Variants in SLC5A1 observed in about 807,000 individuals in gnomAD.
SLC5A1 encodes the protein sodium/glucose cotransporter 1.
In SLC5A1, 42 loss-of-function variants were observed where a neutral mutation model predicts 73.5. That is an observed-to-expected ratio of 0.57 (90% CI 0.45 to 0.74). The LOEUF is 0.74. Ranked by LOEUF, SLC5A1 falls within the 30% of genes least tolerant of loss-of-function variation. SLC5A1 has a pLI of 0.00. For synonymous variants in SLC5A1, 300 were observed against 317.4 expected (o/e 0.95, Z 0.58); for missense variants, 634 against 855.4 (o/e 0.74, Z 3.23).
At position 32,043,386 on chromosome 22, in the gene SLC5A1, C is replaced by T; in HGVS notation, c.105C>T (p.Tyr35=). 6.2e-7 allele frequency: 1 copy of T among 1,614,108 alleles called. No individual in the cohort carries two copies. The highest frequency in any genetic ancestry group is 2.2e-5 in the East Asian group (1 of 44,876). The stretch of plus-strand genomic sequence containing the variant: ...CCGATATCTCCATCATCGTTATCTA[C>T]TTCGTGGTAGTGATGGCCGTCGGAC... The part of the protein sequence containing the change: ...NAADISIIVI[Y]FVVVMAVGLW... Residue 35 remains tyrosine (Y), a synonymous_variant, in exon 1 of 15, where the codon TAC becomes TAT. Coordinates refer to ENST00000266088, the MANE Select transcript of SLC5A1 (RefSeq NM_000343.4). This position sits in a 1 kb window ranked among gnomAD's most constrained non-coding sequence, Gnocchi z 6.5.
intron 5 of SLC5A1, 53 bp from the exon 6 acceptor site, chr22:32,081,813 C>A: frequency 9.0e-7 from 1 of 1,111,774 alleles, no homozygotes; most frequent in South Asian, 1.2e-5. Context: ...ACTACAGGCC[C>A]TGTAGGCAGC....
At chr22:32,068,462 T>C (rs1378243476) in intron 4 of SLC5A1, 34 bp from the exon 5 acceptor site, 2 of 1,308,722 alleles carry the variant, frequency 1.5e-6, no homozygotes, top group South Asian at 1.2e-5. Flanking sequence ...CTGGTCACTG[T>C]GGCTGGCAGT....
chr22:32,111,876 G>A lies in SLC5A1; in HGVS notation c.*1663G>A, dbSNP rs1355852222. On this transcript the variant is annotated 3_prime_UTR_variant, in exon 15 of 15. Transcript: ENST00000266088. The stretch of plus-strand genomic sequence containing the variant: ...GACCAGGTTCCCTTGTGCTCAGGGT[G>A]AAGTAGAACCAGAAAACATCGTTAT... 6.6e-6 allele frequency: 1 copy of A among 152,180 alleles called. No individual in the cohort carries two copies. The highest frequency in any genetic ancestry group is 1.5e-5 in the Non-Finnish European group (1 of 68,024). The allele number at this position is 152,180 out of a possible 1,614,324, so 9.4% of individuals were successfully genotyped here.
intron 11 of SLC5A1, among the ~76,000 whole-genome samples, chr22:32,097,908 A>G (rs868166414): frequency 7.2e-5 from 11 of 152,380 alleles, no homozygotes; most frequent in Middle Eastern, 3.4e-3. Flanking sequence ...CAGCTCAATA[A>G]TAAAACAACC....
At chr22:32,088,370 C>G (rs1206442895) in intron 10 of SLC5A1, among the ~76,000 whole-genome samples, 2 of 140,692 alleles carry the variant, frequency 1.4e-5, no homozygotes, top group African/African-American at 5.2e-5. Flanking sequence ...GAGTCTTGCT[C>G]TTATCACCCA....
Position 32,056,532 on chromosome 22 carries a change from C to G in SLC5A1, c.207+6518C>G, listed in dbSNP as rs193109645. ...TATAATGAATATATTATCTGTGAAT[C>G]TGCATATTCAAGATAGGCAGACTTA... is the stretch of plus-strand genomic sequence containing the variant. On this transcript the variant is annotated intron_variant, in intron 2 of 14. Transcript: ENST00000266088. Among the ~76,000 whole-genome samples the G allele has an allele frequency of 2.5e-4, 35 of 138,928 alleles. No homozygotes were observed. In the East Asian group the frequency reaches 5.7e-3, roughly 23 times the overall value. 91.1% of individuals were successfully genotyped at this position (138,928 alleles called of 152,430 possible).
At chr22:32,058,608 G>A (rs550874483) in intron 2 of SLC5A1, among the ~76,000 whole-genome samples, 7 of 152,240 alleles carry the variant, frequency 4.6e-5, no homozygotes, top group African/African-American at 1.7e-4. Context: ...TGTACCAACC[G>A]ACAACTTTCC....
At chr22:32,045,831 A>AT (rs1260158213) in intron 1 of SLC5A1, among the ~76,000 whole-genome samples, 1 of 152,158 alleles carries the variant, frequency 6.6e-6, no homozygotes, top group Non-Finnish European at 1.5e-5. Context: ...CTATCCTGAA[A>AT]TCCCCTCAAG....
chr22:32,070,711 A>G (rs2093981672), intron 5 of SLC5A1, among the ~76,000 whole-genome samples: 1 of 152,192 alleles, frequency 6.6e-6, no homozygotes, highest in African/African-American at 2.4e-5. Context: ...AACAAAACAA[A>G]GCAACAATAA....
In SLC5A1 at chr22:32,110,856, G is replaced by C. The variant is rs1470841308; in HGVS notation, c.*643G>C. On this transcript the variant is annotated 3_prime_UTR_variant, in exon 15 of 15. Coordinates refer to ENST00000266088, the MANE Select transcript of SLC5A1 (RefSeq NM_000343.4). ...GGGCCCCAGCCTCAAGCTAGTGGGG[G>C]AGGCAGATAGCCTGAATCCAGGGGA... is the stretch of plus-strand genomic sequence containing the variant. 2.6e-5 allele frequency: 4 copies of C among 155,196 alleles called. No homozygotes were observed. The highest frequency in any genetic ancestry group is 5.7e-5 in the Non-Finnish European group (4 of 69,786). 9.6% of individuals were successfully genotyped at this position (155,196 alleles called of 1,614,324 possible).
intron 14 of SLC5A1, among the ~76,000 whole-genome samples, chr22:32,106,125 T>C (rs560381637): frequency 8.5e-5 from 13 of 152,350 alleles, no homozygotes; most frequent in African/African-American, 3.1e-4. Flanking sequence ...CTGAATTATA[T>C]GGTAGCTGTC....
At chr22:32,094,598 T>A (rs541851115) in intron 11 of SLC5A1, among the ~76,000 whole-genome samples, 1 of 152,304 alleles carries the variant, frequency 6.6e-6, no homozygotes, top group East Asian at 1.9e-4. Context: ...AATTTATCCA[T>A]CTCCTCTAGG....
intron 11 of SLC5A1, among the ~76,000 whole-genome samples, chr22:32,094,321 C>T (rs2094022896): frequency 6.6e-6 from 1 of 151,930 alleles, no homozygotes; most frequent in African/African-American, 2.4e-5. Context: ...TATGTCCTTT[C>T]CTGGTTTTGG....
intron 6 of SLC5A1, among the ~76,000 whole-genome samples, chr22:32,082,718 A>G (rs1170014303): frequency 1.3e-5 from 2 of 152,196 alleles, no homozygotes; most frequent in Non-Finnish European, 2.9e-5. Flanking sequence ...ATGTCCCACC[A>G]TCTCCACAGC....
intron 2 of SLC5A1, among the ~76,000 whole-genome samples, chr22:32,052,081 G>A (rs1037349329): frequency 6.6e-6 from 1 of 152,232 alleles, no homozygotes. Flanking sequence ...GGTAAGTAGA[G>A]TGAAGATGAT....
At position 32,112,747 on chromosome 22, in the gene SLC5A1, G is replaced by A. The variant is rs2094059548; in HGVS notation, c.*2534G>A. 6.6e-6 allele frequency: 1 copy of A among 152,128 alleles called. No homozygotes were observed. The highest frequency in any genetic ancestry group is 1.5e-5 in the Non-Finnish European group (1 of 68,030). 9.4% of individuals were successfully genotyped at this position (152,128 alleles called of 1,614,324 possible). On this transcript the variant is annotated 3_prime_UTR_variant, in exon 15 of 15. Coordinates refer to ENST00000266088, the MANE Select transcript of SLC5A1 (RefSeq NM_000343.4). ...AAGGGCTGGGGGAGGGAGGGACTGG[G>A]GAGATGTTGGTCAAATGATACAAAG...
intron 2 of SLC5A1, among the ~76,000 whole-genome samples, chr22:32,057,519 G>A (rs2093953695): frequency 6.6e-6 from 1 of 152,146 alleles, no homozygotes; most frequent in Non-Finnish European, 1.5e-5. Context: ...TCCTGCCATG[G>A]CCTCCCAAGG....
At chr22:32,048,308 CT>C (rs2093939845) in intron 1 of SLC5A1, among the ~76,000 whole-genome samples, 1 of 152,192 alleles carries the variant, frequency 6.6e-6, no homozygotes, top group African/African-American at 2.4e-5. Context: ...CCATTTTCTG[CT>C]GGAGGACTGG....
At chr22:32,091,078 T>A (rs1293446909) in intron 10 of SLC5A1, among the ~76,000 whole-genome samples, 1 of 152,102 alleles carries the variant, frequency 6.6e-6, no homozygotes, top group Non-Finnish European at 1.5e-5. Context: ...TAAATTGGGT[T>A]GTCATTTTAT....
Sources: gnomAD v4.1 joint callset for allele counts (sites outside exome capture counted in the v4.1 genomes callset) on GRCh38, gnomAD v4.1.1 for gene constraint, Gnocchi (gnomAD v3.1) non-coding constraint, MANE v1.5 for transcripts, NCBI Gene and HGNC (gene_info 2026-07-23, HGNC 2026-07-21) for gene names.